PLXDC2: variants seen among roughly 807,000 people sequenced by gnomAD.
PLXDC2 encodes the protein plexin domain-containing protein 2.
Under a neutral mutation model 68.9 loss-of-function variants are expected in PLXDC2, and 40 were observed. The observed-to-expected ratio is 0.58, with a 90% CI of 0.45 to 0.76. PLXDC2 has a LOEUF of 0.76. PLXDC2 is among the 30% of genes least tolerant of loss of function. The probability of loss-of-function intolerance (pLI) is 0.00; values close to 1 mark genes in which losing one functional copy is unlikely to be tolerated. For synonymous variants in PLXDC2, 243 were observed against 234.2 expected (o/e 1.04, Z -0.34); for missense variants, 644 against 661.9 (o/e 0.97, Z 0.30).
Position 20,228,742 on chromosome 10 carries a change from A to G in PLXDC2, c.1312+9640A>G, listed in dbSNP as rs567187661. Among the ~76,000 whole-genome samples, 169 of 152,206 alleles carry G rather than the reference A, an allele frequency of 1.1e-3. 1 individual carries two copies. The highest frequency in any genetic ancestry group is 3.3e-3 in the African/African-American group (135 of 41,532). On this transcript the variant is annotated intron_variant, in intron 12 of 13. Coordinates refer to ENST00000377252, the MANE Select transcript of PLXDC2 (RefSeq NM_032812.9). ...ATACAGGATTTAAAGTCCTGTGAAT[A>G]AAATCAAGAGTGTCATAGAGACAGC... is the stretch of plus-strand genomic sequence containing the variant.
intron 1 of PLXDC2, among the ~76,000 whole-genome samples, chr10:19,844,261 G>A (rs1330890897): frequency 6.6e-6 from 1 of 152,150 alleles, no homozygotes; most frequent in Admixed American, 6.6e-5. Flanking sequence ...AACTGGATTA[G>A]GATCATAGTT....
intron 1 of PLXDC2, among the ~76,000 whole-genome samples, chr10:19,924,352 A>C (rs1379206696): frequency 6.6e-6 from 1 of 151,688 alleles, no homozygotes; most frequent in Non-Finnish European, 1.5e-5. Flanking sequence ...AACCCCCTCT[A>C]CCACCCTTCT....
chr10:20,233,754 A>G (rs1199535646), intron 12 of PLXDC2, among the ~76,000 whole-genome samples: 5 of 152,126 alleles, frequency 3.3e-5, no homozygotes, highest in Non-Finnish European at 5.9e-5. Context: ...CTCTTCTCCT[A>G]TTAAAGCCAT....
chr10:20,231,694 A>AT (rs569655723), intron 12 of PLXDC2, among the ~76,000 whole-genome samples: 170 of 152,096 alleles, frequency 1.1e-3, no homozygotes, highest in African/African-American at 4.0e-3. Flanking sequence ...AAGAAGATGG[A>AT]TTTTTTTAAA....
At chr10:19,827,816 C>T (rs1443975310) in intron 1 of PLXDC2, among the ~76,000 whole-genome samples, 1 of 152,152 alleles carries the variant, frequency 6.6e-6, no homozygotes, top group Non-Finnish European at 1.5e-5. Context: ...ATTTTGGCCT[C>T]CCAAAGTGCT....
At chr10:20,027,469 C>T (rs1158433985) in intron 2 of PLXDC2, among the ~76,000 whole-genome samples, 1 of 152,086 alleles carries the variant, frequency 6.6e-6, no homozygotes, top group Non-Finnish European at 1.5e-5. Context: ...GGTGCCAGTA[C>T]CTTGATCTTG....
chr10:20,054,141 A>G (rs1835952778), intron 3 of PLXDC2, among the ~76,000 whole-genome samples: 1 of 152,026 alleles, frequency 6.6e-6, no homozygotes, highest in African/African-American at 2.4e-5. Flanking sequence ...AGTGGGCGTC[A>G]GTGGAGGGCG....
chr10:19,928,673 G>A (rs938508923), intron 1 of PLXDC2, among the ~76,000 whole-genome samples: 1 of 151,904 alleles, frequency 6.6e-6, no homozygotes, highest in African/African-American at 2.4e-5. Context: ...GAGTAGACTG[G>A]AGTTTCACTA....
chr10:19,837,739 C>T (rs1836826440), intron 1 of PLXDC2, among the ~76,000 whole-genome samples: 1 of 152,142 alleles, frequency 6.6e-6, no homozygotes. Flanking sequence ...AGTGATCGTT[C>T]AGTTTGTAAC....
At position 20,005,919 on chromosome 10, in the gene PLXDC2, G is replaced by A. The variant is rs533735521; in HGVS notation, c.324+3933G>A. On this transcript the variant is annotated intron_variant, in intron 2 of 13. Transcript: ENST00000377252. ...AAATGGTATTTGTGGGCCAGGCGCA[G>A]TGGCTCACACCTGTAATCCCAGCAC... is the stretch of plus-strand genomic sequence containing the variant. Among the ~76,000 whole-genome samples, 6 of 152,280 alleles carry A rather than the reference G, an allele frequency of 3.9e-5. No individual in the cohort carries two copies. The South Asian group carries it at 1.2e-3, about 32-fold the overall frequency.
intron 9 of PLXDC2, among the ~76,000 whole-genome samples, chr10:20,189,497 A>ATATG (rs1440975792): frequency 2.4e-5 from 3 of 124,640 alleles, no homozygotes; most frequent in Non-Finnish European, 5.1e-5. Context: ...ATATATATAT[A>ATATG]TATATATACA....
intron 4 of PLXDC2, among the ~76,000 whole-genome samples, chr10:20,075,100 T>A (rs1836416358): frequency 6.6e-6 from 1 of 152,174 alleles, no homozygotes; most frequent in Non-Finnish European, 1.5e-5. Context: ...AACCTGAGAG[T>A]TCATCTGAGC....
chr10:20,200,184 G>T (rs1016557447), intron 9 of PLXDC2, among the ~76,000 whole-genome samples: 4 of 151,756 alleles, frequency 2.6e-5, no homozygotes, highest in Non-Finnish European at 5.9e-5. Context: ...ACAGACACAT[G>T]GTATATTTGA....
intron 13 of PLXDC2, among the ~76,000 whole-genome samples, chr10:20,250,310 G>C (rs1564367138): frequency 6.7e-6 from 1 of 148,176 alleles, no homozygotes; most frequent in Non-Finnish European, 1.5e-5. Context: ...CTCTATCCTT[G>C]AGTGTATATA....
intron 6 of PLXDC2, 146 bp from the exon 7 acceptor site, chr10:20,164,322 C>T: frequency 1.5e-6 from 1 of 669,252 alleles, no homozygotes; most frequent in Non-Finnish European, 2.6e-6. Context: ...TTTCGTATGT[C>T]TCTCTTTTCT....
intron 2 of PLXDC2, among the ~76,000 whole-genome samples, chr10:20,023,179 T>C (rs988121833): frequency 1.7e-4 from 25 of 150,816 alleles, no homozygotes; most frequent in African/African-American, 6.1e-4. Context: ...CCGTATTGTT[T>C]CAGAAAAAGA....
chr10:20,175,883 C>G (rs1157895292), intron 7 of PLXDC2, among the ~76,000 whole-genome samples: 1 of 151,966 alleles, frequency 6.6e-6, no homozygotes, highest in Non-Finnish European at 1.5e-5. Context: ...TGGTGTTATT[C>G]CGGAAATGCA....
At chr10:19,894,994 A>C (rs928088578) in intron 1 of PLXDC2, among the ~76,000 whole-genome samples, 2 of 152,218 alleles carry the variant, frequency 1.3e-5, no homozygotes, top group Non-Finnish European at 1.5e-5. Context: ...TTATTGCGGC[A>C]CTGTTCACAG....
At chr10:20,068,411 T>A (rs1353516182) in intron 4 of PLXDC2, among the ~76,000 whole-genome samples, 172 bp downstream of exon 4, 1 of 151,994 alleles carries the variant, frequency 6.6e-6, no homozygotes, top group Non-Finnish European at 1.5e-5. Context: ...TTGGAAAAAC[T>A]TCTCAGCAGA....
Sources: allele counts gnomAD v4.1 joint callset (sites outside exome capture counted in the v4.1 genomes callset), GRCh38; gene constraint gnomAD v4.1.1; transcripts MANE v1.5; gene names NCBI Gene and HGNC (gene_info 2026-07-23, HGNC 2026-07-21).